The following S100A6 variants were observed in gnomAD, a reference collection of about 807,000 sequenced individuals.
S100A6 encodes protein S100-A6.
S100A6 carries 3 observed loss-of-function variants against 3.5 expected under a neutral mutation model. That is an observed-to-expected ratio of 0.87 (90% CI 0.39 to 2.24). The LOEUF is 2.24. Among genes scored for constraint, S100A6 ranks in the 30% most tolerant of loss-of-function variants. The pLI is 0.05. For missense variants in S100A6, 114 were observed against 105.3 expected, an observed-to-expected ratio of 1.08 and a Z score of -0.36; for synonymous variants, 48 against 45.2, an observed-to-expected ratio of 1.06 and a Z score of -0.25.
At chr1:153,534,996 G>T (rs1665139882) in intron 2 of S100A6, 166 bp from the exon 3 acceptor site, 2 of 1,115,408 alleles carry the variant, frequency 1.8e-6, no homozygotes, top group African/African-American at 3.1e-5. Flanking sequence ...CTCAGTTACT[G>T]GTCCTCATTT....
intron 2 of S100A6, 165 bp from the exon 3 acceptor site, chr1:153,534,995 T>C: frequency 5.4e-6 from 6 of 1,113,604 alleles, no homozygotes; most frequent in Non-Finnish European, 7.6e-6. Context: ...TCTCAGTTAC[T>C]GGTCCTCATT....
At chr1:153,535,471 G>A (rs926796987) in intron 1 of S100A6, 111 bp from the exon 2 acceptor site, 11 of 1,188,016 alleles carry the variant, frequency 9.3e-6, no homozygotes, top group Non-Finnish European at 1.3e-5. Flanking sequence ...CCAGTCTCAG[G>A]CCACACACAA....
rs1571229485 is a variant in S100A6, at chr1:153,535,395, C to A, written c.-21-35G>T. ...GAGGGCCTAGTCAGTGCCATGGGAGCAAGGACTTCTCACCCACACACCCCA... is the reference window on the plus strand; with the variant it reads ...GAGGGCCTAGTCAGTGCCATGGGAGAAAGGACTTCTCACCCACACACCCCA... On this transcript the variant is annotated intron_variant, in intron 1 of 2. Coordinates refer to ENST00000368719, the MANE Select transcript of S100A6 (RefSeq NM_014624.4). 13 of 1,600,192 alleles carry A rather than the reference C, an allele frequency of 8.1e-6. No individual in the cohort carries two copies. The East Asian group carries it at 2.0e-4, about 25-fold the overall frequency.
Position 153,534,779 on chromosome 1 carries a change from T to C in S100A6, c.190A>G (p.Lys64Glu), listed in dbSNP as rs148742216. The change falls in exon 3 of 3, where the codon AAG becomes GAG. Residue 64 changes from lysine (K) to glutamate (E), a missense_variant. Lys to Glu is a moderately conservative substitution (Grantham distance 56). Transcript: ENST00000368719. ...ARLMEDLDRN[K>E]DQEVNFQEYV... The stretch of plus-strand genomic sequence containing the variant: ...TCCTGGAAGTTCACCTCCTGGTCCT[T>C]GTTCCGGTCCAAGTCTTCCATCAGC... 347 of 1,613,906 alleles carry C rather than the reference T, an allele frequency of 2.2e-4. No homozygotes were observed. The highest frequency in any genetic ancestry group is 2.8e-4 in the Non-Finnish European group (327 of 1,179,992).
At chr1:153,535,487 T>C in intron 1 of S100A6, 127 bp from the exon 2 acceptor site, 1 of 997,014 alleles carries the variant, frequency 1.0e-6, no homozygotes, top group Non-Finnish European at 1.4e-6. Context: ...CACAATGGCA[T>C]CAGGAGACAG....
Position 153,534,652 on chromosome 1 carries a change from C to A in S100A6, c.*44G>T. 1.3e-6 allele frequency: 2 copies of A among 1,528,266 alleles called. No homozygotes were observed. The highest frequency in any genetic ancestry group is 1.3e-5 in the South Asian group (1 of 79,506). 94.7% of individuals were successfully genotyped at this position (1,528,266 alleles called of 1,614,324 possible). ...CAATTACCCACCACTGGATTTGACT[C>A]AGAGAGGACCCCCAGAGGGTGTCTC... On this transcript the variant is annotated 3_prime_UTR_variant, in exon 3 of 3. Transcript: ENST00000368719.
intron 1 of S100A6, 131 bp from the exon 2 acceptor site, chr1:153,535,491 G>A: frequency 1.0e-6 from 1 of 971,652 alleles, no homozygotes; most frequent in Non-Finnish European, 1.5e-6. Context: ...ATGGCATCAG[G>A]AGACAGCCCA....
Position 153,534,718 on chromosome 1 carries a change from T to C in S100A6, c.251A>G (p.Tyr84Cys). 2.5e-6 allele frequency: 4 copies of C among 1,612,996 alleles called. No homozygotes were observed. The highest frequency in any genetic ancestry group is 3.4e-6 in the Non-Finnish European group (4 of 1,179,478). The change falls in exon 3 of 3, where the codon TAC (tyrosine) becomes TGC (cysteine). Residue 84 changes from tyrosine to cysteine, a missense_variant. By Grantham distance (194) the Tyr-to-Cys change is radical. Transcript: ENST00000368719. ...VTFLGALALIYNEALKG is the reference protein window; with the variant it reads ...VTFLGALALICNEALKG ...TTTTCAGCCCTTGAGGGCTTCATTG[T>C]AGATCAAAGCCAAGGCCCCCAGGAA... is the stretch of plus-strand genomic sequence containing the variant.
chr1:153,535,512 G>T, intron 1 of S100A6, 152 bp from the exon 2 acceptor site: 1 of 801,352 alleles, frequency 1.2e-6, no homozygotes, highest in Non-Finnish European at 1.9e-6. Flanking sequence ...GGGCTTGAAG[G>T]GGAAGGAGAG....
intron 2 of S100A6, 125 bp downstream of exon 2, chr1:153,535,077 A>C: frequency 2.2e-6 from 3 of 1,374,918 alleles, no homozygotes; most frequent in Non-Finnish European, 3.0e-6. Context: ...CAGGGTCTAC[A>C]TGTGGACCAG....
intron 2 of S100A6, 118 bp downstream of exon 2, chr1:153,535,083 AC>A: frequency 7.1e-7 from 1 of 1,415,988 alleles, no homozygotes; most frequent in East Asian, 2.3e-5. Flanking sequence ...CTACATGTGG[AC>A]CAGGGCCTCA....
intron 2 of S100A6, 133 bp downstream of exon 2, chr1:153,535,069 G>A: frequency 7.7e-7 from 1 of 1,300,100 alleles, no homozygotes; most frequent in Non-Finnish European, 1.1e-6. Flanking sequence ...CTACAGCTCA[G>A]GGTCTACATG....
In S100A6 at chr1:153,535,213, T is replaced by G. The variant is rs1557886811; in HGVS notation, c.127A>C (p.Thr43Pro). 1 of 1,613,852 alleles carries G rather than the reference T, an allele frequency of 6.2e-7. No homozygotes were observed. Among genetic ancestry groups the G allele is most frequent in the Non-Finnish European group, 8.5e-7 (1 of 1,179,940 alleles). ...ELKELIQKEL[T>P]IGSKLQDAEI... is the part of the protein sequence containing the mutation. ...AGGAGGCCACTCACCGAGCCAATGG[T>G]GAGCTCCTTCTGGATCAGCTCCTTC... The change falls in exon 2 of 3, where the codon ACC becomes CCC. Residue 43 changes from threonine to proline, a missense_variant. Transcript: ENST00000368719.
intron 2 of S100A6, 141 bp from the exon 3 acceptor site, chr1:153,534,971 T>C: frequency 8.4e-7 from 1 of 1,191,752 alleles, no homozygotes; most frequent in Non-Finnish European, 1.2e-6. Context: ...TGGCATTGCT[T>C]CTCCTCAGCT....
At chr1:153,535,924 C>T (rs28427870) in intron 1 of S100A6, 25 bp downstream of exon 1, 8,042 of 152,832 alleles carry the variant, frequency 0.053, 280 homozygotes, top group Middle Eastern at 0.099. Context: ...CTGGAAAGTA[C>T]CCAGGGCTCC....
At chr1:153,534,939 T>A in intron 2 of S100A6, 109 bp from the exon 3 acceptor site, 1 of 1,393,362 alleles carries the variant, frequency 7.2e-7, no homozygotes, top group Non-Finnish European at 9.8e-7. Context: ...TGCTCCCTCA[T>A]CACCAAGGAC....
intron 2 of S100A6, 168 bp downstream of exon 2, chr1:153,535,034 T>A (rs1425965254): frequency 8.9e-7 from 1 of 1,126,428 alleles, no homozygotes; most frequent in Admixed American, 2.6e-5. Context: ...GCTGGAAGCA[T>A]CCCCTACCCG....
intron 1 of S100A6, among the ~76,000 whole-genome samples, 173 bp from the exon 2 acceptor site, chr1:153,535,533 G>A (rs988800138): frequency 2.0e-5 from 3 of 152,222 alleles, no homozygotes; most frequent in Non-Finnish European, 4.4e-5. Flanking sequence ...AGCACACTAG[G>A]GCCAAGGCAA....
At chr1:153,535,434 C>T (rs1665157936) in intron 1 of S100A6, 74 bp from the exon 2 acceptor site, 3 of 1,483,768 alleles carry the variant, frequency 2.0e-6, no homozygotes, top group Middle Eastern at 2.4e-4. Context: ...ATGCTGCCTG[C>T]ACTAGCCCCG....
Sources: allele counts gnomAD v4.1 joint callset (sites outside exome capture counted in the v4.1 genomes callset), GRCh38; gene constraint gnomAD v4.1.1; transcripts MANE v1.5; gene names NCBI Gene and HGNC (gene_info 2026-07-23, HGNC 2026-07-21).